Variants in HPSE2 observed in about 807,000 individuals in gnomAD.
HPSE2 encodes the protein heparanase 2 (inactive).
HPSE2 carries 38 observed loss-of-function variants against 60.5 expected under a neutral mutation model. The observed-to-expected ratio is 0.63, with a 90% CI of 0.48 to 0.82. The LOEUF is 0.82. Among genes scored for constraint, HPSE2 ranks in the 40% least tolerant of loss-of-function variants. The probability of loss-of-function intolerance (pLI) is 0.00; values close to 1 mark genes in which losing one functional copy is unlikely to be tolerated. For missense variants in HPSE2, 713 were observed against 740.4 expected (o/e 0.96, Z 0.43); for synonymous variants, 295 against 293.2 (o/e 1.01, Z -0.06).
intron 3 of HPSE2, among the ~76,000 whole-genome samples, chr10:99,078,587 A>T (rs1030443003): frequency 2.6e-5 from 4 of 152,164 alleles, no homozygotes; most frequent in Middle Eastern, 3.4e-3. Flanking sequence ...GAGCCTTGGG[A>T]TATAAATTTT....
chr10:98,721,483 G>A (rs147582978), intron 5 of HPSE2, among the ~76,000 whole-genome samples, 174 bp downstream of exon 5: 52 of 152,186 alleles, frequency 3.4e-4, no homozygotes, highest in African/African-American at 1.3e-3. Flanking sequence ...CTAGAAAGAT[G>A]AGAAAGATGG....
chr10:98,989,889 C>T (rs2135337178), intron 3 of HPSE2, among the ~76,000 whole-genome samples: 1 of 152,270 alleles, frequency 6.6e-6, no homozygotes, highest in Middle Eastern at 3.4e-3. Flanking sequence ...GAGTCTTCTG[C>T]TGTCTCATCA....
At chr10:98,948,816 C>A (rs912796392) in intron 3 of HPSE2, among the ~76,000 whole-genome samples, 2 of 152,006 alleles carry the variant, frequency 1.3e-5, no homozygotes, top group African/African-American at 2.4e-5. Flanking sequence ...TTGTGATGAC[C>A]CACTTCTACT....
rs1410133287 is a variant in HPSE2 at position 99,142,903 on chromosome 10, T to C, written c.610+1335A>G. Among the ~76,000 whole-genome samples the C allele has an allele frequency of 1.4e-4, 22 of 151,870 alleles. No individual in the cohort carries two copies. The East Asian group carries it at 3.9e-3, about 27-fold the overall frequency. On this transcript the variant is annotated intron_variant, in intron 3 of 11. Coordinates refer to ENST00000370552, the MANE Select transcript of HPSE2 (RefSeq NM_021828.5). ...GTGCCTAAAAATATTAGAATAAAGA[T>C]GGAATAAAAATATTTCATTTCCACT...
At chr10:98,881,374 G>T (rs1235710987) in intron 3 of HPSE2, among the ~76,000 whole-genome samples, 4 of 152,068 alleles carry the variant, frequency 2.6e-5, no homozygotes, top group Non-Finnish European at 5.9e-5. Context: ...ATGACAGGAA[G>T]TTGGGAGGGA....
At chr10:99,279,969 C>T in the HPSE2 span, among the ~76,000 whole-genome samples, 2 of 152,156 alleles carry the variant, frequency 1.3e-5, no homozygotes, top group Non-Finnish European at 2.9e-5. Flanking sequence ...TCAGCAAATC[C>T]TTTGGAGACT....
intron 3 of HPSE2, among the ~76,000 whole-genome samples, chr10:99,080,793 C>A (rs140256135): frequency 8.3e-4 from 126 of 152,306 alleles, no homozygotes; most frequent in African/African-American, 2.8e-3. Flanking sequence ...AATGCTCTTG[C>A]CAAATGCATT....
rs68091060 is a variant in HPSE2 at position 98,960,726 on chromosome 10, A to AT, written c.610+183511dup. ...CTTTTTTTTTTTTTTTTTTTGTTTTATTTTTTTTATTTTATTTTTTTTTTT... is the reference window on the plus strand; with the variant it reads ...CTTTTTTTTTTTTTTTTTTTGTTTTATTTTTTTTTATTTTATTTTTTTTTTT... On this transcript the variant is annotated intron_variant, in intron 3 of 11. Coordinates refer to ENST00000370552, the MANE Select transcript of HPSE2 (RefSeq NM_021828.5). 4.3e-3 allele frequency among the ~76,000 whole-genome samples: 445 copies of AT among 102,504 alleles called. 4 individuals carry two copies. The highest frequency in any genetic ancestry group is 0.016 in the African/African-American group (401 of 25,056). 67.2% of individuals were successfully genotyped at this position (102,504 alleles called of 152,430 possible). A position where few individuals can be genotyped will look rare whatever the true frequency, so the allele number is the denominator to read the frequency against.
intron 3 of HPSE2, among the ~76,000 whole-genome samples, chr10:99,083,235 C>T (rs1564792982): frequency 6.6e-6 from 1 of 152,084 alleles, no homozygotes; most frequent in South Asian, 2.1e-4. Flanking sequence ...GTCTTTAGAT[C>T]AAAAATCAGA....
chr10:98,573,594 T>C (rs904997800), intron 9 of HPSE2, among the ~76,000 whole-genome samples: 4 of 152,126 alleles, frequency 2.6e-5, no homozygotes, highest in African/African-American at 7.2e-5. Context: ...GCTCTTAGGA[T>C]GGAAAATGGA....
chr10:98,685,791 G>A (rs998785865), intron 6 of HPSE2, among the ~76,000 whole-genome samples: 1 of 152,072 alleles, frequency 6.6e-6, no homozygotes, highest in Non-Finnish European at 1.5e-5. Context: ...TTTGTCATAG[G>A]ACAGGCATAT....
intron 3 of HPSE2, among the ~76,000 whole-genome samples, chr10:98,968,360 G>C (rs181292973): frequency 1.4e-4 from 21 of 152,190 alleles, no homozygotes; most frequent in Middle Eastern, 3.4e-3. Context: ...AATTGATGTT[G>C]GTGTGGGTGT....
intron 3 of HPSE2, among the ~76,000 whole-genome samples, chr10:98,807,312 CTG>C (rs1404026221): frequency 1.9e-4 from 29 of 152,182 alleles, no homozygotes; most frequent in South Asian, 4.1e-4. Flanking sequence ...ATTCATATTG[CTG>C]TGTCTGCTAG....
chr10:99,142,189 A>G (rs974719396), intron 3 of HPSE2, among the ~76,000 whole-genome samples: 4 of 152,134 alleles, frequency 2.6e-5, no homozygotes, highest in Non-Finnish European at 5.9e-5. Context: ...TGCCCCTTCA[A>G]CCTCACCCTC....
intron 4 of HPSE2, among the ~76,000 whole-genome samples, chr10:98,739,567 G>A (rs1054449820): frequency 6.6e-6 from 1 of 152,094 alleles, no homozygotes; most frequent in Non-Finnish European, 1.5e-5. Flanking sequence ...ATCAAGCTGT[G>A]CTGCCAGAAT....
At chr10:99,242,696 T>C in the HPSE2 span, among the ~76,000 whole-genome samples, 2 of 152,228 alleles carry the variant, frequency 1.3e-5, no homozygotes, top group Admixed American at 6.5e-5. Flanking sequence ...TGGAGTCTGA[T>C]AGACTGATTA....
chr10:99,121,141 G>A (rs1200303152), intron 3 of HPSE2, among the ~76,000 whole-genome samples: 2 of 152,192 alleles, frequency 1.3e-5, no homozygotes, highest in East Asian at 3.9e-4. Flanking sequence ...GATCTTTGCA[G>A]GGACATGGAT....
chr10:98,466,029 G>A (rs903952417), intron 11 of HPSE2, among the ~76,000 whole-genome samples: 8 of 152,096 alleles, frequency 5.3e-5, no homozygotes, highest in Non-Finnish European at 7.4e-5. Flanking sequence ...TCACTCCCCC[G>A]CTACCCTCCG....
At chr10:99,024,856 C>T (rs978380700) in intron 3 of HPSE2, among the ~76,000 whole-genome samples, 2 of 152,000 alleles carry the variant, frequency 1.3e-5, no homozygotes, top group South Asian at 2.1e-4. Flanking sequence ...AAAGACTTTC[C>T]CACACAAACA....
Sources: gnomAD v4.1 joint callset for allele counts (sites outside exome capture counted in the v4.1 genomes callset) on GRCh38, gnomAD v4.1.1 for gene constraint, MANE v1.5 for transcripts, NCBI Gene and HGNC (gene_info 2026-07-23, HGNC 2026-07-21) for gene names.